Variants in RELN observed in about 807,000 individuals in gnomAD.
RELN encodes the protein reelin.
Under a neutral mutation model 427.6 loss-of-function variants are expected in RELN, and 108 were observed. The observed-to-expected ratio is 0.25, with a 90% confidence interval of 0.22 to 0.30. The LOEUF is 0.30. Among genes scored for constraint, RELN ranks in the 10% least tolerant of loss-of-function variants. The probability of loss-of-function intolerance (pLI) is 1.00; values close to 1 mark genes in which losing one functional copy is unlikely to be tolerated. For synonymous variants in RELN, 1,524 were observed against 1,513.4 expected, an observed-to-expected ratio of 1.01 and a Z score of -0.16; for missense variants, 3,715 against 4,302.8, an observed-to-expected ratio of 0.86 and a Z score of 3.82.
intron 10 of RELN, among the ~76,000 whole-genome samples, chr7:103,688,620 C>T (rs1207522388): frequency 6.6e-6 from 1 of 151,938 alleles, no homozygotes; most frequent in Non-Finnish European, 1.5e-5. Flanking sequence ...GGACAAATTA[C>T]ATTTTTTTTC....
chr7:103,685,148 T>C (rs1833738518), intron 10 of RELN, among the ~76,000 whole-genome samples: 1 of 152,134 alleles, frequency 6.6e-6, no homozygotes, highest in Admixed American at 6.6e-5. Context: ...TACAGGTAAG[T>C]TTGCATTGTA....
chr7:103,736,457 C>CT (rs1421606555), intron 6 of RELN, among the ~76,000 whole-genome samples: 2 of 152,164 alleles, frequency 1.3e-5, no homozygotes, highest in Non-Finnish European at 2.9e-5. Context: ...TTCTAAGGAG[C>CT]TAACACATAC....
chr7:103,806,634 T>C (rs559889162), intron 3 of RELN, among the ~76,000 whole-genome samples: 1 of 152,208 alleles, frequency 6.6e-6, no homozygotes, highest in African/African-American at 2.4e-5. Flanking sequence ...CATAAGCACT[T>C]CTTATGGAAA....
At chr7:103,723,273 G>A (rs1790123606) in intron 7 of RELN, 82 bp from the exon 8 acceptor site, 1 of 806,226 alleles carries the variant, frequency 1.2e-6, no homozygotes, top group South Asian at 1.4e-5. Flanking sequence ...TACGGGGAGG[G>A]GAAGAGTTAA....
chr7:103,688,206 A>T (rs1425809568), intron 10 of RELN, among the ~76,000 whole-genome samples: 2 of 152,106 alleles, frequency 1.3e-5, no homozygotes, highest in Non-Finnish European at 1.5e-5. Flanking sequence ...ATTCTTAATG[A>T]AAAAAGACAT....
Position 103,566,759 on chromosome 7 carries a change from C to A in RELN, c.4589G>T (p.Gly1530Val), listed in dbSNP as rs756855458. The A allele has an allele frequency of 1.2e-6, 2 of 1,613,844 alleles. No homozygotes were observed. The highest frequency in any genetic ancestry group is 1.7e-6 in the Non-Finnish European group (2 of 1,179,778). Reference sequence around the variant, plus strand: ...GTCATTTGAATACTGAACAATAAGCCCTGAGTTAAAAGACATAAATCCAGT... The same window carrying A: ...GTCATTTGAATACTGAACAATAAGCACTGAGTTAAAAGACATAAATCCAGT... Reference protein sequence around the residue: ...TCIKPRTRNEGLIVQYSNDNG... With the variant: ...TCIKPRTRNEVLIVQYSNDNG... The change falls in exon 32 of 65, where the codon GGG (glycine) becomes GTG (valine). Residue 1530 changes from glycine to valine, a missense_variant and splice_region_variant. By Grantham distance (109) the Gly-to-Val change is moderately radical. Coordinates refer to ENST00000428762, the MANE Select transcript of RELN (RefSeq NM_005045.4).
In RELN at chr7:103,778,943, T is replaced by C. The variant is rs115393627; in HGVS notation, c.474-2316A>G. Among the ~76,000 whole-genome samples the C allele has an allele frequency of 2.9e-3, 447 of 152,294 alleles. 7 individuals are homozygous for C. The highest frequency in any genetic ancestry group is 0.01 in the African/African-American group (428 of 41,548). On this transcript the variant is annotated intron_variant, in intron 3 of 64. Coordinates refer to ENST00000428762, the MANE Select transcript of RELN (RefSeq NM_005045.4). ...TGCTATCGTGCTTCTCTGGAACTCT[T>C]AGGGTTTAAGGGAGCAGAGTTTGAA...
At chr7:103,677,875 A>T (rs1833572387) in intron 11 of RELN, among the ~76,000 whole-genome samples, 1 of 149,922 alleles carries the variant, frequency 6.7e-6, no homozygotes, top group African/African-American at 2.4e-5. Flanking sequence ...CATGACCTGG[A>T]GCAATAATGA....
At chr7:103,598,943 T>C (rs1831603046) in intron 24 of RELN, among the ~76,000 whole-genome samples, 1 of 152,234 alleles carries the variant, frequency 6.6e-6, no homozygotes, top group South Asian at 2.1e-4. Context: ...TGTGCGCATA[T>C]GTGTTGGAGT....
chr7:103,820,521 G>A (rs928655602), intron 3 of RELN, among the ~76,000 whole-genome samples: 5 of 149,244 alleles, frequency 3.4e-5, no homozygotes, highest in Admixed American at 6.8e-5. Flanking sequence ...TATGTGCTAT[G>A]CTTTTAAAAA....
intron 63 of RELN, chr7:103,478,668 A>G (rs1285617599): frequency 6.5e-6 from 2 of 309,988 alleles, no homozygotes; most frequent in African/African-American, 4.3e-5. Context: ...CATTTGGCAT[A>G]AATGTTGCAT....
At chr7:103,912,062 T>C (rs1795380120) in intron 2 of RELN, among the ~76,000 whole-genome samples, 1 of 152,226 alleles carries the variant, frequency 6.6e-6, no homozygotes, top group Non-Finnish European at 1.5e-5. Context: ...ACTAGTTTTA[T>C]GTTAATTGCT....
chr7:103,957,969 T>C (rs577718745), intron 1 of RELN, among the ~76,000 whole-genome samples: 1 of 152,330 alleles, frequency 6.6e-6, no homozygotes, highest in African/African-American at 2.4e-5. Context: ...AGAGGTAATG[T>C]GCAGCTTCAG....
intron 20 of RELN, chr7:103,628,485 C>A (rs1435425342): frequency 6.6e-6 from 1 of 152,208 alleles, no homozygotes; most frequent in Non-Finnish European, 1.5e-5. Flanking sequence ...TTTGACAGTG[C>A]TTGCAGCAAA....
At chr7:103,492,056 G>A in intron 57 of RELN, 30 bp from the exon 58 acceptor site, 1 of 1,522,018 alleles carries the variant, frequency 6.6e-7, no homozygotes, top group South Asian at 1.1e-5. Flanking sequence ...TCAATACACA[G>A]GTAAGATTAG....
At chr7:103,504,780 C>T (rs905090386) in intron 51 of RELN, among the ~76,000 whole-genome samples, 1 of 152,218 alleles carries the variant, frequency 6.6e-6, no homozygotes, top group Non-Finnish European at 1.5e-5. Flanking sequence ...CGGTGCCTGG[C>T]TCAGTGAGTC....
chr7:103,489,366 G>C (rs1828570309), intron 60 of RELN, among the ~76,000 whole-genome samples: 1 of 152,116 alleles, frequency 6.6e-6, no homozygotes, highest in Admixed American at 6.5e-5. Context: ...AGCTAGGCCA[G>C]GAAGGAGGGA....
chr7:103,606,506 A>G (rs866888114), intron 22 of RELN, among the ~76,000 whole-genome samples: 1 of 152,138 alleles, frequency 6.6e-6, no homozygotes, highest in African/African-American at 2.4e-5. Context: ...GTTTAGGCAA[A>G]CTAATTTCTA....
At chr7:103,745,165 C>T (rs1311773761) in intron 6 of RELN, among the ~76,000 whole-genome samples, 1 of 151,926 alleles carries the variant, frequency 6.6e-6, no homozygotes, top group Non-Finnish European at 1.5e-5. Flanking sequence ...AGACAAAAAC[C>T]CCATGATTAT....
Sources: gnomAD v4.1 joint callset for allele counts (sites outside exome capture counted in the v4.1 genomes callset) on GRCh38, gnomAD v4.1.1 for gene constraint, MANE v1.5 for transcripts, NCBI Gene and HGNC (gene_info 2026-07-23, HGNC 2026-07-21) for gene names.